The following TPRG1 variants were observed in gnomAD, a reference collection of about 807,000 sequenced individuals.
TPRG1 encodes the protein tumor protein p63-regulated gene 1 protein.
A neutral mutation model predicts 29.3 loss-of-function variants in TPRG1; 29 were observed. The ratio of observed to expected loss-of-function variants is 0.99; its 90% CI spans 0.74 to 1.35. The LOEUF (loss-of-function observed/expected upper bound fraction) is 1.35. Among genes scored for constraint, TPRG1 ranks in the 40% most tolerant of loss-of-function variants. The pLI is 0.00. For missense variants in TPRG1, 327 were observed against 335.0 expected (o/e 0.98, Z 0.19); for synonymous variants, 130 against 116.8 (o/e 1.11, Z -0.73).
intron 4 of TPRG1, among the ~76,000 whole-genome samples, chr3:189,297,267 C>T (rs996371298): frequency 9.9e-5 from 15 of 152,102 alleles, no homozygotes; most frequent in African/African-American, 3.6e-4. Context: ...AGGCATGAGC[C>T]ACCATGCCCG....
chr3:189,233,160 G>A (rs553757112), intron 3 of TPRG1, among the ~76,000 whole-genome samples: 4 of 107,244 alleles, frequency 3.7e-5, no homozygotes, highest in African/African-American at 1.6e-4. Context: ...CCTCTACTGA[G>A]TGTGTATGTG....
intron 1 of TPRG1, among the ~76,000 whole-genome samples, chr3:188,997,798 G>A (rs1337379189): frequency 6.6e-6 from 1 of 152,086 alleles, no homozygotes; most frequent in Non-Finnish European, 1.5e-5. Context: ...ATATCTTTAT[G>A]ACTATATCAC....
chr3:189,304,658 A>G (rs1455660535), intron 4 of TPRG1, among the ~76,000 whole-genome samples: 1 of 152,096 alleles, frequency 6.6e-6, no homozygotes, highest in East Asian at 1.9e-4. Flanking sequence ...CTTGTCATGG[A>G]AAATATTTCC....
chr3:189,307,345 T>C (rs575832422), intron 4 of TPRG1, among the ~76,000 whole-genome samples: 42 of 152,340 alleles, frequency 2.8e-4, no homozygotes, highest in African/African-American at 9.4e-4. Flanking sequence ...CTTCTCACCC[T>C]GACAACTTAA....
chr3:189,164,560 A>G (rs59721089), intron 5 of TPRG1, among the ~76,000 whole-genome samples: 1,614 of 152,012 alleles, frequency 0.011, 29 homozygotes, highest in African/African-American at 0.036. Context: ...TTTTCTAGTC[A>G]TTGCATTTGT....
At chr3:189,232,729 TCTATTAGTATC>T (rs1246373653) in intron 3 of TPRG1, among the ~76,000 whole-genome samples, 3 of 152,162 alleles carry the variant, frequency 2.0e-5, no homozygotes, top group Non-Finnish European at 4.4e-5. Context: ...CCATTGGGTT[TCTATTAGTATC>T]CTGTGTTTAC....
At chr3:189,288,821 C>T (rs763264611) in intron 4 of TPRG1, among the ~76,000 whole-genome samples, 33 of 152,268 alleles carry the variant, frequency 2.2e-4, no homozygotes, top group Non-Finnish European at 4.0e-4. Context: ...CTGCATCTAT[C>T]GCAAACCACT....
At chr3:189,073,473 T>G (rs1716927354) in intron 4 of TPRG1, among the ~76,000 whole-genome samples, 1 of 152,234 alleles carries the variant, frequency 6.6e-6, no homozygotes, top group South Asian at 2.1e-4. Flanking sequence ...ATAGATAAAG[T>G]AGAGAACTAA....
chr3:189,246,392 G>A (rs1597424), intron 4 of TPRG1, among the ~76,000 whole-genome samples: 40,279 of 151,744 alleles, frequency 0.27, 7,201 homozygotes, highest in African/African-American at 0.51. Flanking sequence ...TTTTTTATCC[G>A]TTTACTTTCT....
chr3:189,021,731 A>T (rs1295617877), intron 3 of TPRG1, among the ~76,000 whole-genome samples: 6 of 151,798 alleles, frequency 4.0e-5, no homozygotes, highest in Non-Finnish European at 7.4e-5. Context: ...CTTCTCGAGG[A>T]GTATCTTTGT....
chr3:189,071,067 GAAA>G (rs74731300), intron 4 of TPRG1, among the ~76,000 whole-genome samples: 92 of 76,222 alleles, frequency 1.2e-3, no homozygotes, highest in African/African-American at 3.2e-3. Context: ...CAAAGAAAAA[GAAA>G]AAAAAAAAAA....
upstream of TPRG1, among the ~76,000 whole-genome samples, chr3:189,167,751 A>G (rs147020289): frequency 5.1e-4 from 77 of 152,294 alleles, no homozygotes; most frequent in African/African-American, 1.7e-3. Context: ...CTAAAAACAT[A>G]CAAGAATTCT....
intron 3 of TPRG1, among the ~76,000 whole-genome samples, chr3:189,216,281 G>C (rs1420526605): frequency 3.3e-5 from 5 of 152,152 alleles, no homozygotes; most frequent in Non-Finnish European, 7.3e-5. Flanking sequence ...TATACCTTGA[G>C]TAAATAATCA....
intron 4 of TPRG1, among the ~76,000 whole-genome samples, chr3:189,084,883 C>A (rs570380153): frequency 1.3e-5 from 2 of 152,292 alleles, no homozygotes; most frequent in African/African-American, 4.8e-5. Flanking sequence ...CTTCGCACCC[C>A]CAAAGGAAGC....
chr3:189,197,379 C>A (rs1732719585), intron 1 of TPRG1, among the ~76,000 whole-genome samples: 1 of 152,122 alleles, frequency 6.6e-6, no homozygotes, highest in South Asian at 2.1e-4. Context: ...TCCTGTCTTT[C>A]TATATTTTTC....
intron 5 of TPRG1, among the ~76,000 whole-genome samples, chr3:189,316,374 G>A (rs192326067): frequency 5.3e-5 from 8 of 152,294 alleles, no homozygotes; most frequent in East Asian, 1.9e-4. Flanking sequence ...TTGGATGGGC[G>A]TGCCCTCTAT....
chr3:189,140,848 C>T (rs1031167714), intron 3 of TPRG1, among the ~76,000 whole-genome samples: 5 of 152,094 alleles, frequency 3.3e-5, no homozygotes, highest in African/African-American at 7.2e-5. Flanking sequence ...AGGCAGACAC[C>T]TCCTCTCGAA....
chr3:189,166,458 C>T (rs937919384), intron 5 of TPRG1, among the ~76,000 whole-genome samples: 1 of 152,164 alleles, frequency 6.6e-6, no homozygotes, highest in African/African-American at 2.4e-5. Context: ...GTCCAAACTG[C>T]TTTAATTTGC....
intron 4 of TPRG1, among the ~76,000 whole-genome samples, chr3:189,078,986 G>T (rs186459889): frequency 2.1e-4 from 32 of 152,300 alleles, no homozygotes; most frequent in African/African-American, 6.5e-4. Flanking sequence ...AATTTATAAA[G>T]AAAAGAGGTT....
Sources: gnomAD v4.1 joint callset for allele counts (sites outside exome capture counted in the v4.1 genomes callset) on GRCh38, gnomAD v4.1.1 for gene constraint, MANE v1.5 for transcripts, NCBI Gene and HGNC (gene_info 2026-07-23, HGNC 2026-07-21) for gene names.